The following TMEM132C variants were observed in gnomAD, a reference collection of about 807,000 sequenced individuals.
TMEM132C encodes the protein transmembrane protein 132C.
TMEM132C carries 29 observed loss-of-function variants against 61.4 expected under a neutral mutation model. The observed-to-expected ratio is 0.47, with a 90% CI of 0.35 to 0.64. The LOEUF (loss-of-function observed/expected upper bound fraction) is 0.64, where lower values mean the gene tolerates loss of function less well. Ranked by LOEUF, TMEM132C falls within the 30% of genes least tolerant of loss-of-function variation. The pLI is 0.00. For missense variants in TMEM132C, 1,408 were observed against 1,476.9 expected, an observed-to-expected ratio of 0.95 and a Z score of 0.76; for synonymous variants, 656 against 633.1, an observed-to-expected ratio of 1.04 and a Z score of -0.54.
rs575875562 is a variant in TMEM132C, at chr12:128,305,694, A to T, written c.85+38207A>T. 3.5e-4 allele frequency among the ~76,000 whole-genome samples: 53 copies of T among 152,328 alleles called. No homozygotes were observed. The South Asian group carries it at 4.6e-3, about 13-fold the overall frequency. ...AAAATGAGACCTCCCGGCAGCAGCA[A>T]TCTGAAGAACTGCCATTTGCAAATC... On this transcript the variant is annotated intron_variant, in intron 1 of 8. Coordinates refer to ENST00000435159, the MANE Select transcript of TMEM132C (RefSeq NM_001136103.3).
chr12:128,631,433 C>G (rs1364090556), intron 4 of TMEM132C, among the ~76,000 whole-genome samples: 5 of 152,224 alleles, frequency 3.3e-5, no homozygotes, highest in African/African-American at 1.2e-4. Context: ...AGTCTCTTTC[C>G]TCATCATTCT....
rs1163950762 is a variant in TMEM132C at position 128,267,383 on chromosome 12, G to C, written c.-20G>C. ...GCGCTTCGGGCTGGCGGCGGGCTGC[G>C]TGAGCGGCCGGGACGCAGGATGCGC... On this transcript the variant is annotated 5_prime_UTR_variant, in exon 1 of 9. Coordinates refer to ENST00000435159, the MANE Select transcript of TMEM132C (RefSeq NM_001136103.3). 6 of 1,121,136 alleles carry C rather than the reference G, an allele frequency of 5.4e-6. No individual in the cohort carries two copies. Among genetic ancestry groups the C allele is most frequent in the South Asian group, 8.5e-5 (2 of 23,458 alleles). 69.4% of individuals were successfully genotyped at this position (1,121,136 alleles called of 1,614,324 possible). A position where few individuals can be genotyped will look rare whatever the true frequency, so the allele number is the denominator to read the frequency against.
intron 2 of TMEM132C, among the ~76,000 whole-genome samples, chr12:128,523,118 A>G (rs536185613): frequency 1.3e-5 from 2 of 152,306 alleles, no homozygotes; most frequent in Admixed American, 6.5e-5. Context: ...ACATGGATGA[A>G]CCCTGCGAAC....
intron 1 of TMEM132C, among the ~76,000 whole-genome samples, chr12:128,354,103 T>C (rs1713635): frequency 0.91 from 137,703 of 152,098 alleles, 62,662 homozygotes; most frequent in East Asian, 0.97. Context: ...GGAATCACCA[T>C]TATCTGCAAA....
intron 2 of TMEM132C, among the ~76,000 whole-genome samples, chr12:128,498,880 A>G (rs1322034782): frequency 6.6e-6 from 1 of 152,192 alleles, no homozygotes; most frequent in Non-Finnish European, 1.5e-5. Flanking sequence ...AGAAGATCTG[A>G]ATAAATGTAA....
intron 2 of TMEM132C, among the ~76,000 whole-genome samples, chr12:128,497,415 C>T (rs926825603): frequency 3.3e-5 from 5 of 152,206 alleles, no homozygotes; most frequent in Admixed American, 3.3e-4. Flanking sequence ...TTTGGCTATG[C>T]CCTGCCCCCA....
At chr12:128,468,373 A>G (rs1340819155) in intron 2 of TMEM132C, among the ~76,000 whole-genome samples, 4 of 152,086 alleles carry the variant, frequency 2.6e-5, no homozygotes, top group South Asian at 2.1e-4. Context: ...GCTGGAGTGC[A>G]ATGGCACGAT....
At chr12:128,491,138 C>A (rs1871703877) in intron 2 of TMEM132C, among the ~76,000 whole-genome samples, 1 of 152,110 alleles carries the variant, frequency 6.6e-6, no homozygotes, top group Non-Finnish European at 1.5e-5. Flanking sequence ...AGGTGACAGG[C>A]AAGGTGCTCT....
intron 1 of TMEM132C, among the ~76,000 whole-genome samples, chr12:128,285,782 T>C (rs868357273): frequency 1.2e-5 from 1 of 84,192 alleles, no homozygotes. Context: ...TCTCTCTCTC[T>C]CTCTCTCCCC....
At chr12:128,525,513 TG>T (rs1265235027) in intron 2 of TMEM132C, among the ~76,000 whole-genome samples, 1 of 152,234 alleles carries the variant, frequency 6.6e-6, no homozygotes, top group Non-Finnish European at 1.5e-5. Flanking sequence ...TCTCTTGAGC[TG>T]ACTTTTGAAG....
intron 4 of TMEM132C, among the ~76,000 whole-genome samples, chr12:128,617,134 A>C (rs1184231718): frequency 6.6e-6 from 1 of 152,108 alleles, no homozygotes; most frequent in Non-Finnish European, 1.5e-5. Context: ...CTCACTTAGG[A>C]GGTCTGGGTT....
intron 1 of TMEM132C, among the ~76,000 whole-genome samples, chr12:128,354,452 CCTT>C (rs755887461): frequency 7.3e-5 from 11 of 151,136 alleles, no homozygotes; most frequent in African/African-American, 1.9e-4. Flanking sequence ...TCCTTCCCTG[CCTT>C]CTTTTCTTTC....
At chr12:128,473,721 C>T (rs752733475) in intron 2 of TMEM132C, among the ~76,000 whole-genome samples, 1 of 94,192 alleles carries the variant, frequency 1.1e-5, no homozygotes, top group Admixed American at 1.2e-4. Context: ...CTCCAGCCTC[C>T]GTTTTCGTCT....
chr12:128,559,178 G>GACAC (rs140182072), intron 3 of TMEM132C, among the ~76,000 whole-genome samples: 1 of 147,656 alleles, frequency 6.8e-6, no homozygotes, highest in Non-Finnish European at 1.5e-5. Flanking sequence ...CACACACACA[G>GACAC]ACACACACAC....
At chr12:128,404,140 T>C (rs1683716) in intron 1 of TMEM132C, among the ~76,000 whole-genome samples, 106,433 of 152,150 alleles carry the variant, frequency 0.7, 38,461 homozygotes, top group East Asian at 0.92. Context: ...TAGATGCTGT[T>C]CTTGAAAGCC....
intron 2 of TMEM132C, among the ~76,000 whole-genome samples, chr12:128,531,666 A>G (rs5023227): frequency 0.097 from 14,815 of 152,284 alleles, 2,015 homozygotes; most frequent in African/African-American, 0.29. Context: ...TGACCACTGG[A>G]GTCTTTTTTA....
Position 128,616,352 on chromosome 12 carries a change from C to G in TMEM132C, c.1305+17C>G. 1 of 1,543,632 alleles carries G rather than the reference C, an allele frequency of 6.5e-7. No homozygotes were observed. Among genetic ancestry groups the G allele is most frequent in the Non-Finnish European group, 8.8e-7 (1 of 1,141,840 alleles). On this transcript the variant is annotated intron_variant, in intron 4 of 8. Transcript: ENST00000435159. The stretch of plus-strand genomic sequence containing the variant: ...TTGGCTATGGTGAGTCCTGAGTTAC[C>G]TTGGATGCTCCTGCATTCAGCCACC...
intron 1 of TMEM132C, among the ~76,000 whole-genome samples, chr12:128,374,131 G>A (rs374017753): frequency 7.9e-5 from 12 of 152,174 alleles, no homozygotes; most frequent in Non-Finnish European, 1.6e-4. Flanking sequence ...TGACTGGCCC[G>A]GGTGGGGAGG....
chr12:128,344,123 A>C (rs1389011107), intron 1 of TMEM132C, among the ~76,000 whole-genome samples: 1 of 152,086 alleles, frequency 6.6e-6, no homozygotes, highest in African/African-American at 2.4e-5. Flanking sequence ...TGATTCATGT[A>C]CATGTTTTCG....
Sources: gnomAD v4.1 joint callset for allele counts (sites outside exome capture counted in the v4.1 genomes callset) on GRCh38, gnomAD v4.1.1 for gene constraint, MANE v1.5 for transcripts, NCBI Gene and HGNC (gene_info 2026-07-23, HGNC 2026-07-21) for gene names.